CLVS2: variants seen among roughly 807,000 people sequenced by gnomAD.
CLVS2 encodes the protein clavesin-2.
In CLVS2, 19 loss-of-function variants were observed where a neutral mutation model predicts 29.0. The observed-to-expected ratio is 0.66, with a 90% CI of 0.46 to 0.96. The LOEUF (loss-of-function observed/expected upper bound fraction) is 0.96, where lower values mean the gene tolerates loss of function less well. Ranked by LOEUF, CLVS2 falls within the 40% of genes least tolerant of loss-of-function variation. The pLI, the probability that CLVS2 is intolerant of heterozygous loss-of-function variation, is 0.00. For missense variants in CLVS2, 294 were observed against 404.1 expected, an observed-to-expected ratio of 0.73 and a Z score of 2.34; for synonymous variants, 161 against 151.3, an observed-to-expected ratio of 1.06 and a Z score of -0.47.
At chr6:123,043,403 A>G (rs116455782) in intron 3 of CLVS2, among the ~76,000 whole-genome samples, 3,329 of 152,174 alleles carry the variant, frequency 0.022, 42 homozygotes, top group African/African-American at 0.041. Flanking sequence ...TTTTATGGGT[A>G]GAGTTATGGA....
chr6:123,040,693 G>A (rs12664533), intron 3 of CLVS2, among the ~76,000 whole-genome samples: 39,703 of 151,044 alleles, frequency 0.26, 6,207 homozygotes, highest in East Asian at 0.7. Context: ...CTCGGGAGTC[G>A]GGAGGCTGAA....
At chr6:123,013,817 C>G (rs140488473) in intron 3 of CLVS2, among the ~76,000 whole-genome samples, 25 of 152,000 alleles carry the variant, frequency 1.6e-4, no homozygotes, top group Admixed American at 4.6e-4. Context: ...CTCCTCCCCC[C>G]ACCCCACAAC....
intron 5 of CLVS2, among the ~76,000 whole-genome samples, chr6:123,058,362 G>A (rs1772725373): frequency 6.6e-6 from 1 of 152,132 alleles, no homozygotes; most frequent in Admixed American, 6.5e-5. Context: ...GCTGTCATCG[G>A]TGTCCACTAG....
At position 123,072,828 on chromosome 6, in the gene CLVS2, A is replaced by G. The variant is rs1772970054; in HGVS notation, c.*9067A>G. ...TTATATTCTGAAAACCATTATATTA[A>G]TATTTTATTTCTTTTTTTGCAGAGA... is the stretch of plus-strand genomic sequence containing the variant. On this transcript the variant is annotated 3_prime_UTR_variant, in exon 6 of 6. Coordinates refer to ENST00000275162, the MANE Select transcript of CLVS2 (RefSeq NM_001010852.4). 1 of 152,018 alleles carries G rather than the reference A, an allele frequency of 6.6e-6. No individual in the cohort carries two copies. Among genetic ancestry groups the G allele is most frequent in the Admixed American group, 6.6e-5 (1 of 15,238 alleles). 9.4% of individuals were successfully genotyped at this position (152,018 alleles called of 1,614,324 possible).
At chr6:123,030,808 T>C (rs957078991) in intron 3 of CLVS2, among the ~76,000 whole-genome samples, 1 of 147,448 alleles carries the variant, frequency 6.8e-6, no homozygotes, top group African/African-American at 2.5e-5. Context: ...CAAAGTACTT[T>C]AGTAAGGAGA....
At chr6:123,002,525 A>G (rs2114296885) in intron 2 of CLVS2, among the ~76,000 whole-genome samples, 1 of 152,214 alleles carries the variant, frequency 6.6e-6, no homozygotes, top group Non-Finnish European at 1.5e-5. Flanking sequence ...GCCATAGACT[A>G]CACAGATGGG....
chr6:123,040,450 G>GA (rs200431579), intron 3 of CLVS2, among the ~76,000 whole-genome samples: 2,083 of 150,024 alleles, frequency 0.014, 16 homozygotes, highest in Admixed American at 0.017. Flanking sequence ...ACGAGAAAAA[G>GA]AAAAAAAAAG....
At chr6:123,048,142 TAAA>T (rs1243481559) in intron 3 of CLVS2, among the ~76,000 whole-genome samples, 1 of 152,066 alleles carries the variant, frequency 6.6e-6, no homozygotes, top group Non-Finnish European at 1.5e-5. Flanking sequence ...AATAATAAGA[TAAA>T]GAGAATAAAA....
intron 4 of CLVS2, among the ~76,000 whole-genome samples, chr6:123,051,768 C>A (rs1262971678): frequency 2.6e-5 from 4 of 152,132 alleles, no homozygotes; most frequent in African/African-American, 9.7e-5. Flanking sequence ...ATTATTCAGG[C>A]TAATTCTCAG....
intron 3 of CLVS2, among the ~76,000 whole-genome samples, chr6:123,039,134 G>C (rs1234111370): frequency 6.6e-6 from 1 of 152,098 alleles, no homozygotes; most frequent in African/African-American, 2.4e-5. Context: ...GATTCTTACT[G>C]TAATTTTCTC....
At chr6:123,031,193 A>T (rs1014219865) in intron 3 of CLVS2, among the ~76,000 whole-genome samples, 1 of 151,276 alleles carries the variant, frequency 6.6e-6, no homozygotes, top group Admixed American at 6.6e-5. Flanking sequence ...CTGTTCTCAA[A>T]CTCCTGGGTT....
At position 123,066,329 on chromosome 6, in the gene CLVS2, A is replaced by G. The variant is rs1342492111; in HGVS notation, c.*2568A>G. On this transcript the variant is annotated 3_prime_UTR_variant, in exon 6 of 6. Transcript: ENST00000275162. ...TATACTCTTGTATTTTAATTGCAAT[A>G]GTATACCTCCACTCTCTCTCTCTCT... 1 of 150,918 alleles carries G rather than the reference A, an allele frequency of 6.6e-6. No homozygotes were observed. The highest frequency in any genetic ancestry group is 1.9e-4 in the East Asian group (1 of 5,152). The allele number at this position is 150,918 out of a possible 1,614,324, so 9.3% of individuals were successfully genotyped here.
intron 3 of CLVS2, among the ~76,000 whole-genome samples, chr6:123,024,527 CT>C (rs941437636): frequency 6.6e-6 from 1 of 152,020 alleles, no homozygotes; most frequent in African/African-American, 2.4e-5. Context: ...TCTGGGTGGA[CT>C]AAAGGCATAT....
chr6:123,006,279 C>T (rs1396129141), intron 2 of CLVS2, among the ~76,000 whole-genome samples: 2 of 152,118 alleles, frequency 1.3e-5, no homozygotes, highest in East Asian at 3.9e-4. Context: ...TGAATATGAC[C>T]TTGACAGCTG....
At chr6:123,063,150 A>G (rs910701403) in intron 5 of CLVS2, among the ~76,000 whole-genome samples, 1 of 152,226 alleles carries the variant, frequency 6.6e-6, no homozygotes, top group Non-Finnish European at 1.5e-5. Context: ...TAACAGAAAC[A>G]TACAAATTTT....
intron 3 of CLVS2, among the ~76,000 whole-genome samples, chr6:123,021,054 G>GT (rs200694993): frequency 1.3e-5 from 2 of 150,474 alleles, no homozygotes; most frequent in South Asian, 4.2e-4. Flanking sequence ...AAGAGTATGG[G>GT]GGGGGTAAAA....
At chr6:123,012,351 C>A (rs1774761067) in intron 3 of CLVS2, among the ~76,000 whole-genome samples, 1 of 151,944 alleles carries the variant, frequency 6.6e-6, no homozygotes, top group Non-Finnish European at 1.5e-5. Flanking sequence ...TTGGTTACCA[C>A]CCACTGTGTT....
At chr6:123,022,310 A>T (rs1774935375) in intron 3 of CLVS2, among the ~76,000 whole-genome samples, 1 of 152,012 alleles carries the variant, frequency 6.6e-6, no homozygotes. Flanking sequence ...TAGTGTTGAA[A>T]ATTCACCATA....
intron 3 of CLVS2, among the ~76,000 whole-genome samples, chr6:123,048,144 AAG>A (rs1488785002): frequency 6.6e-6 from 1 of 152,096 alleles, no homozygotes; most frequent in Admixed American, 6.6e-5. Context: ...TAATAAGATA[AAG>A]AGAATAAAAT....
Sources: allele counts gnomAD v4.1 joint callset (sites outside exome capture counted in the v4.1 genomes callset), GRCh38; gene constraint gnomAD v4.1.1; transcripts MANE v1.5; gene names NCBI Gene and HGNC (gene_info 2026-07-23, HGNC 2026-07-21).